The following COG4 variants were observed in gnomAD, a reference collection of about 807,000 sequenced individuals.
The protein encoded by COG4 is conserved oligomeric Golgi complex subunit 4.
COG4 carries 65 observed loss-of-function variants against 95.1 expected under a neutral mutation model. That is an observed-to-expected ratio of 0.68 (90% confidence interval 0.56 to 0.84). The LOEUF is 0.84. Ranked by LOEUF, COG4 falls within the 40% of genes least tolerant of loss-of-function variation. The probability of loss-of-function intolerance (pLI) is 0.00; values close to 1 mark genes in which losing one functional copy is unlikely to be tolerated. For missense variants in COG4, 1,045 were observed against 989.1 expected (o/e 1.06, Z -0.76); for synonymous variants, 421 against 374.8 (o/e 1.12, Z -1.42).
intron 2 of COG4, among the ~76,000 whole-genome samples, chr16:70,519,121 T>TAACAAGGTGTGATGCTGGTACAAC (rs1597693605): frequency 2.2e-5 from 2 of 89,968 alleles, no homozygotes; most frequent in South Asian, 4.2e-4. Context: ...TTTGCATTTC[T>TAACAAGGTGTGATGCTGGTACAAC]TTTTTTTTTT....
At chr16:70,486,231 G>A (rs766834366) in intron 13 of COG4, among the ~76,000 whole-genome samples, 23 of 152,150 alleles carry the variant, frequency 1.5e-4, no homozygotes, top group Non-Finnish European at 3.1e-4. Context: ...CTACAGCGTA[G>A]GTGTAGAGAC....
chr16:70,501,386 C>T, intron 8 of COG4: 1 of 365,036 alleles, frequency 2.7e-6, no homozygotes. Flanking sequence ...TGGAGTCTTG[C>T]TCTGTTGCCC....
chr16:70,493,942 G>C (rs1448905600), intron 12 of COG4, among the ~76,000 whole-genome samples: 1 of 152,154 alleles, frequency 6.6e-6, no homozygotes, highest in African/African-American at 2.4e-5. Context: ...TGAGTCAGGA[G>C]CTTCAGGATT....
In COG4 at chr16:70,519,875, C is replaced by A. The variant is rs2049899002; in HGVS notation, c.172-144G>T. On this transcript the variant is annotated intron_variant, in intron 1 of 18. Transcript: ENST00000323786. Reference sequence around the variant, plus strand: ...ATGTTCTCCTTAGACTTTAACAATGCTTCATTTTGCACTTATGTTGCATGA... The same window carrying A: ...ATGTTCTCCTTAGACTTTAACAATGATTCATTTTGCACTTATGTTGCATGA... 1.4e-5 allele frequency: 10 copies of A among 706,684 alleles called. No homozygotes were observed. In the South Asian group the frequency reaches 1.5e-4, roughly 11 times the overall value. 43.8% of individuals were successfully genotyped at this position (706,684 alleles called of 1,614,324 possible). A position where few individuals can be genotyped will look rare whatever the true frequency, so the allele number is the denominator to read the frequency against.
At chr16:70,482,934 C>T in intron 14 of COG4, 113 bp from the exon 15 acceptor site, 2 of 784,450 alleles carry the variant, frequency 2.5e-6, no homozygotes, top group Non-Finnish European at 4.4e-6. Flanking sequence ...CCTCTCCTCT[C>T]CCCATCCCTT....
chr16:70,487,062 G>A (rs552070296), intron 13 of COG4, among the ~76,000 whole-genome samples: 1 of 151,546 alleles, frequency 6.6e-6, no homozygotes, highest in South Asian at 2.1e-4. Context: ...AGGCTGAGGT[G>A]GGCGGATCGC....
chr16:70,498,765 T>G (rs1475651106), intron 9 of COG4, among the ~76,000 whole-genome samples: 3 of 152,234 alleles, frequency 2.0e-5, no homozygotes, highest in African/African-American at 7.2e-5. Flanking sequence ...GTGAATACTT[T>G]TGTATGAAAA....
chr16:70,521,653 A>G (rs193174034), intron 1 of COG4, among the ~76,000 whole-genome samples: 10 of 152,074 alleles, frequency 6.6e-5, no homozygotes, highest in African/African-American at 2.2e-4. Flanking sequence ...AACATATTAA[A>G]TGACTGAATG....
rs374478853 is a variant in COG4, at chr16:70,509,218, T to C, written c.1002+13A>G. On this transcript the variant is annotated intron_variant, in intron 7 of 18. Coordinates refer to ENST00000323786, the MANE Select transcript of COG4 (RefSeq NM_015386.3). ...GCTGCTACCAAACCCTACCTGTAGCTTCCCCTGCTCACCTGCTGGTGGTAG... is the reference window on the plus strand; with the variant it reads ...GCTGCTACCAAACCCTACCTGTAGCCTCCCCTGCTCACCTGCTGGTGGTAG... The C allele has an allele frequency of 8.6e-5, 139 of 1,614,162 alleles. No individual in the cohort carries two copies. The South Asian group carries it at 1.0e-3, about 12-fold the overall frequency.
chr16:70,490,262 T>C, intron 13 of COG4, 68 bp downstream of exon 13: 1 of 1,260,262 alleles, frequency 7.9e-7, no homozygotes, highest in Non-Finnish European at 1.2e-6. Context: ...CCATGATGTT[T>C]GTATAGGGCT....
chr16:70,507,841 G>A (rs1281233820), intron 8 of COG4, among the ~76,000 whole-genome samples: 1 of 149,186 alleles, frequency 6.7e-6, no homozygotes, highest in Non-Finnish European at 1.5e-5. Flanking sequence ...CAGCGTGGGT[G>A]ACAGAGTGAG....
At chr16:70,509,193 G>C in intron 7 of COG4, 38 bp downstream of exon 7, 5 of 1,613,444 alleles carry the variant, frequency 3.1e-6, no homozygotes, top group Non-Finnish European at 4.2e-6. Flanking sequence ...CCTCGCTAAA[G>C]CTGCTACCAA....
At chr16:70,497,451 T>C (rs1483813250) in intron 10 of COG4, 64 bp from the exon 11 acceptor site, 1 of 1,502,586 alleles carries the variant, frequency 6.7e-7, no homozygotes, top group Non-Finnish European at 9.2e-7. Flanking sequence ...TAGATGATTC[T>C]GGGTACACTG....
chr16:70,485,209 T>TTC (rs1304488330), intron 13 of COG4, among the ~76,000 whole-genome samples: 1 of 149,856 alleles, frequency 6.7e-6, no homozygotes, highest in African/African-American at 2.5e-5. Context: ...GTCTCTCTTT[T>TTC]TTTTTTTTTT....
chr16:70,485,205 CTT>C (rs1262821692), intron 13 of COG4, among the ~76,000 whole-genome samples: 25 of 130,332 alleles, frequency 1.9e-4, no homozygotes, highest in Non-Finnish European at 1.8e-4. Flanking sequence ...CCCTGTCTCT[CTT>C]TTTTTTTTTT....
At chr16:70,496,712 C>T (rs192999923) in intron 11 of COG4, among the ~76,000 whole-genome samples, 3 of 152,276 alleles carry the variant, frequency 2.0e-5, no homozygotes, top group East Asian at 3.9e-4. Flanking sequence ...CAAAGCTGTG[C>T]GGCTTAGTGA....
At chr16:70,523,000 C>T (rs984879352) in intron 1 of COG4, 14 of 273,374 alleles carry the variant, frequency 5.1e-5, no homozygotes, top group Middle Eastern at 2.6e-3. Flanking sequence ...AGGATGAGAG[C>T]GTTTCATAAT....
chr16:70,491,657 T>C (rs181440689), intron 12 of COG4, among the ~76,000 whole-genome samples: 1 of 147,556 alleles, frequency 6.8e-6, no homozygotes, highest in Non-Finnish European at 1.5e-5. Flanking sequence ...ACCCCGTCTC[T>C]ACTAAAAATA....
At chr16:70,498,987 C>G (rs6499318) in intron 9 of COG4, among the ~76,000 whole-genome samples, 18,271 of 152,040 alleles carry the variant, frequency 0.12, 3,640 homozygotes, top group African/African-American at 0.41. Flanking sequence ...GGCCAAGGCG[C>G]GAGGATCGCT....
Sources: allele counts gnomAD v4.1 joint callset (sites outside exome capture counted in the v4.1 genomes callset), GRCh38; gene constraint gnomAD v4.1.1; transcripts MANE v1.5; gene names NCBI Gene and HGNC (gene_info 2026-07-23, HGNC 2026-07-21).